The following UBE2N variants were observed in gnomAD, a reference collection of about 807,000 sequenced individuals.
UBE2N encodes ubiquitin conjugating enzyme E2 N.
For missense variants in UBE2N, 60 were observed against 192.1 expected (o/e 0.31, Z 4.07); for synonymous variants, 70 against 69.2 (o/e 1.01, Z -0.06).
chr12:93,418,448 A>G (rs1163183459), intron 1 of UBE2N, among the ~76,000 whole-genome samples: 1 of 152,064 alleles, frequency 6.6e-6, no homozygotes, highest in Non-Finnish European at 1.5e-5. Context: ...TTTATCTGTA[A>G]GCCCTGTGAA....
intron 1 of UBE2N, chr12:93,441,042 G>A (rs963020442): frequency 6.6e-6 from 1 of 152,582 alleles, no homozygotes; most frequent in East Asian, 1.9e-4. Flanking sequence ...GAGAGGAGAG[G>A]AGAGAAGAGG....
At chr12:93,436,386 G>A (rs1349120234) in intron 1 of UBE2N, among the ~76,000 whole-genome samples, 1 of 152,232 alleles carries the variant, frequency 6.6e-6, no homozygotes, top group Non-Finnish European at 1.5e-5. Context: ...TTATAGGCAT[G>A]AGCCACAGTG....
chr12:93,416,509 A>C (rs923107526), intron 1 of UBE2N, among the ~76,000 whole-genome samples: 2 of 149,964 alleles, frequency 1.3e-5, no homozygotes, highest in African/African-American at 4.9e-5. Flanking sequence ...GTGCAGTGGC[A>C]CGATCTTGGC....
intron 1 of UBE2N, among the ~76,000 whole-genome samples, chr12:93,440,291 G>A (rs560367822): frequency 2.0e-5 from 3 of 152,168 alleles, no homozygotes; most frequent in Admixed American, 2.0e-4. Context: ...CTAAAACCAC[G>A]TTGTACGGAC....
chr12:93,415,329 ATGTAAATACAAATC>A (rs1361822086), intron 1 of UBE2N, among the ~76,000 whole-genome samples: 1 of 152,238 alleles, frequency 6.6e-6, no homozygotes. Flanking sequence ...TAGTCATAAG[ATGTAAATACAAATC>A]AAATGCTTCC....
intron 1 of UBE2N, among the ~76,000 whole-genome samples, chr12:93,430,933 A>T (rs1005124010): frequency 6.9e-6 from 1 of 143,890 alleles, no homozygotes; most frequent in African/African-American, 2.6e-5. Context: ...ACCCTATCTT[A>T]AAAAAAAAAA....
chr12:93,434,098 C>A (rs1035361336), intron 1 of UBE2N, among the ~76,000 whole-genome samples: 17 of 152,168 alleles, frequency 1.1e-4, no homozygotes, highest in South Asian at 6.2e-4. Flanking sequence ...TGAAACCATC[C>A]TGGCCAACAT....
At chr12:93,418,122 C>G (rs911496495) in intron 1 of UBE2N, among the ~76,000 whole-genome samples, 4 of 151,386 alleles carry the variant, frequency 2.6e-5, no homozygotes, top group Non-Finnish European at 5.9e-5. Context: ...AGCCACCACA[C>G]TTGGCCCAAT....
rs1182330925 is a variant in UBE2N at position 93,406,934 on chromosome 12, C to T, written c.*3105G>A. ...TAACTAGAGCAGAAGCAAATCGCAG[C>T]GAAGTAGACTACAACAATCAAGTCA... is the stretch of plus-strand genomic sequence containing the variant. On this transcript the variant is annotated 3_prime_UTR_variant, in exon 4 of 4. Coordinates refer to ENST00000318066, the MANE Select transcript of UBE2N (RefSeq NM_003348.4). 3 of 152,170 alleles carry T rather than the reference C, an allele frequency of 2.0e-5. No individual in the cohort carries two copies. Among genetic ancestry groups the T allele is most frequent in the African/African-American group, 7.2e-5 (3 of 41,416 alleles). The allele number at this position is 152,170 out of a possible 1,614,324, so 9.4% of individuals were successfully genotyped here.
At chr12:93,435,430 G>T (rs1031700744) in intron 1 of UBE2N, among the ~76,000 whole-genome samples, 2 of 151,938 alleles carry the variant, frequency 1.3e-5, no homozygotes, top group African/African-American at 2.4e-5. Flanking sequence ...CCGAGATCAC[G>T]CCATTGCACT....
At chr12:93,433,630 ATTTTG>A (rs889542075) in intron 1 of UBE2N, among the ~76,000 whole-genome samples, 3 of 152,128 alleles carry the variant, frequency 2.0e-5, no homozygotes, top group Non-Finnish European at 4.4e-5. Context: ...TCTCATATTT[ATTTTG>A]TTTTTAGAAA....
chr12:93,420,814 T>G (rs1054663434), intron 1 of UBE2N, among the ~76,000 whole-genome samples: 1 of 152,112 alleles, frequency 6.6e-6, no homozygotes, highest in African/African-American at 2.4e-5. Context: ...TAAGCTGAAT[T>G]CCTTTATTTC....
Position 93,416,085 on chromosome 12 carries a change from T to G in UBE2N, c.31-4786A>C, listed in dbSNP as rs977762948. On this transcript the variant is annotated intron_variant, in intron 1 of 3. Transcript: ENST00000318066. ...TTGAAATAGTCCTTATAATATATGC[T>G]GCTCTCAAGTTCTAATGGACTGACA... 2.0e-5 allele frequency among the ~76,000 whole-genome samples: 3 copies of G among 152,248 alleles called. No individual in the cohort carries two copies. The East Asian group carries it at 5.8e-4, about 29-fold the overall frequency.
At chr12:93,429,313 T>A (rs1420566640) in intron 1 of UBE2N, 1 of 419,318 alleles carries the variant, frequency 2.4e-6, no homozygotes, top group African/African-American at 2.1e-5. Context: ...CTCAACTTGA[T>A]ATATAAATGA....
chr12:93,431,352 C>G (rs1162141524), intron 1 of UBE2N, among the ~76,000 whole-genome samples: 2 of 152,184 alleles, frequency 1.3e-5, no homozygotes, highest in Admixed American at 1.3e-4. Flanking sequence ...TATAAAAATA[C>G]ATGCACTGCC....
intron 1 of UBE2N, among the ~76,000 whole-genome samples, chr12:93,425,486 G>C (rs191284856): frequency 1.3e-5 from 2 of 152,226 alleles, no homozygotes; most frequent in Non-Finnish European, 2.9e-5. Flanking sequence ...AACTAAACTA[G>C]TTCCTAGAGA....
intron 3 of UBE2N, 164 bp downstream of exon 3, chr12:93,410,570 A>G: frequency 9.4e-7 from 1 of 1,061,282 alleles, no homozygotes; most frequent in Non-Finnish European, 1.3e-6. Flanking sequence ...GGGGGGTCCC[A>G]TAGCAAGCCA....
intron 1 of UBE2N, among the ~76,000 whole-genome samples, chr12:93,411,710 T>C (rs1878036479): frequency 6.6e-6 from 1 of 152,134 alleles, no homozygotes; most frequent in African/African-American, 2.4e-5. Flanking sequence ...TGTTTGTTTT[T>C]GAGACAAGAT....
chr12:93,434,808 A>AT, intron 1 of UBE2N, among the ~76,000 whole-genome samples: 1 of 151,380 alleles, frequency 6.6e-6, no homozygotes, highest in South Asian at 2.1e-4. Context: ...TCCTAGTCAA[A>AT]TTTTTTACAA....
Sources: gnomAD v4.1 joint callset for allele counts (sites outside exome capture counted in the v4.1 genomes callset) on GRCh38, gnomAD v4.1.1 for gene constraint, MANE v1.5 for transcripts, NCBI Gene and HGNC (gene_info 2026-07-23, HGNC 2026-07-21) for gene names.